MCTP1: variants seen among roughly 807,000 people sequenced by gnomAD.
MCTP1 encodes multiple C2 and transmembrane domain-containing protein 1.
MCTP1 carries 69 observed loss-of-function variants against 120.6 expected under a neutral mutation model. The ratio of observed to expected loss-of-function variants is 0.57; its 90% CI spans 0.47 to 0.70. The LOEUF (loss-of-function observed/expected upper bound fraction) is 0.70, where lower values mean the gene tolerates loss of function less well. MCTP1 is among the 30% of genes least tolerant of loss of function. The pLI is 0.00. For missense variants in MCTP1, 1,203 were observed against 1,248.8 expected (o/e 0.96, Z 0.55); for synonymous variants, 529 against 493.1 (o/e 1.07, Z -0.96).
intron 5 of MCTP1, among the ~76,000 whole-genome samples, chr5:94,939,102 A>G (rs1451707484): frequency 6.6e-6 from 1 of 152,046 alleles, no homozygotes; most frequent in Admixed American, 6.6e-5. Context: ...TTAAATTTCT[A>G]AAAAGGAGGG....
At chr5:94,915,612 C>G (rs1318154440) in intron 8 of MCTP1, among the ~76,000 whole-genome samples, 1 of 152,076 alleles carries the variant, frequency 6.6e-6, no homozygotes, top group Non-Finnish European at 1.5e-5. Flanking sequence ...TTAACAGTGC[C>G]ATGTCTAAAA....
chr5:95,029,042 C>T (rs1240083928), intron 1 of MCTP1, among the ~76,000 whole-genome samples: 1 of 151,568 alleles, frequency 6.6e-6, no homozygotes, highest in East Asian at 1.9e-4. Flanking sequence ...GCCTGTAATC[C>T]CAGGTATACG....
chr5:94,715,475 AGTC>A (rs1758856642), intron 19 of MCTP1, among the ~76,000 whole-genome samples: 1 of 151,868 alleles, frequency 6.6e-6, no homozygotes, highest in African/African-American at 2.4e-5. Flanking sequence ...TAAAAATAAT[AGTC>A]TAGTCATATA....
intron 1 of MCTP1, among the ~76,000 whole-genome samples, chr5:95,072,981 G>A (rs571088042): frequency 1.3e-5 from 2 of 152,002 alleles, no homozygotes; most frequent in South Asian, 2.1e-4. Context: ...TCCTGACCTC[G>A]TGATCCGTTC....
chr5:94,891,225 T>G (rs1274093973), intron 11 of MCTP1, among the ~76,000 whole-genome samples: 1 of 151,570 alleles, frequency 6.6e-6, no homozygotes, highest in African/African-American at 2.4e-5. Flanking sequence ...TCACCAAAAA[T>G]CTATTTAAAA....
chr5:95,212,685 C>G (rs577091207), intron 1 of MCTP1, among the ~76,000 whole-genome samples: 396 of 151,662 alleles, frequency 2.6e-3, no homozygotes, highest in Non-Finnish European at 4.2e-3. Context: ...GGGCTTCATC[C>G]CTGGGATGCA....
At chr5:95,032,740 G>A (rs919066589) in intron 1 of MCTP1, among the ~76,000 whole-genome samples, 2 of 151,984 alleles carry the variant, frequency 1.3e-5, no homozygotes, top group African/African-American at 4.8e-5. Flanking sequence ...AAAGGTTAGA[G>A]CAGAACTAAA....
intron 1 of MCTP1, among the ~76,000 whole-genome samples, chr5:95,176,965 C>T (rs1277184011): frequency 6.6e-6 from 1 of 151,450 alleles, no homozygotes; most frequent in Non-Finnish European, 1.5e-5. Context: ...CCTGGGTTCA[C>T]GCCATTCTCC....
chr5:94,904,904 C>G (rs1459273965), intron 10 of MCTP1, among the ~76,000 whole-genome samples: 1 of 152,152 alleles, frequency 6.6e-6, no homozygotes, highest in Admixed American at 6.5e-5. Flanking sequence ...AAAATCCCTG[C>G]CCTCGTGGAG....
At chr5:94,764,828 C>CAAAAAAAAAA (rs57246943) in intron 19 of MCTP1, among the ~76,000 whole-genome samples, 10 of 90,958 alleles carry the variant, frequency 1.1e-4, no homozygotes, top group East Asian at 3.1e-4. Context: ...TGACCTGGAC[C>CAAAAAAAAAA]AAAAAAAAAA....
chr5:95,178,891 G>C (rs1353064843), intron 1 of MCTP1, among the ~76,000 whole-genome samples: 1 of 152,136 alleles, frequency 6.6e-6, no homozygotes, highest in East Asian at 1.9e-4. Flanking sequence ...GGAGGCACTA[G>C]AGAAACGTGA....
At chr5:94,947,577 T>TATATATATATATATATATAGAG in intron 3 of MCTP1, among the ~76,000 whole-genome samples, 27 of 47,362 alleles carry the variant, frequency 5.7e-4, no homozygotes, top group South Asian at 7.0e-4. Context: ...TATATATATA[T>TATATATATATATATATATAGAG]AGAGAGAGAG....
intron 18 of MCTP1, among the ~76,000 whole-genome samples, chr5:94,785,992 T>C (rs1002424734): frequency 6.6e-6 from 1 of 152,170 alleles, no homozygotes; most frequent in African/African-American, 2.4e-5. Flanking sequence ...CCATATATGA[T>C]TCCATATATG....
intron 17 of MCTP1, among the ~76,000 whole-genome samples, chr5:94,831,825 A>C (rs570765236): frequency 6.6e-6 from 1 of 152,330 alleles, no homozygotes; most frequent in African/African-American, 2.4e-5. Context: ...TAGGCTCTTA[A>C]GTTTTTAAGG....
chr5:94,794,883 T>C (rs1561648834), intron 18 of MCTP1, among the ~76,000 whole-genome samples: 1 of 152,116 alleles, frequency 6.6e-6, no homozygotes, highest in East Asian at 1.9e-4. Context: ...GCTACTGGCT[T>C]TTCTGTAATT....
intron 1 of MCTP1, among the ~76,000 whole-genome samples, chr5:95,226,062 G>A (rs1011807384): frequency 3.3e-5 from 5 of 151,836 alleles, no homozygotes; most frequent in East Asian, 1.9e-4. Context: ...AAGTTCTTTC[G>A]CGGTGACTTG....
At chr5:95,061,413 T>TG (rs1749108745) in intron 1 of MCTP1, among the ~76,000 whole-genome samples, 1 of 10,492 alleles carries the variant, frequency 9.5e-5, no homozygotes, top group African/African-American at 3.9e-4. Flanking sequence ...TAAGGGTTTT[T>TG]TTTTTTTTTT....
intron 17 of MCTP1, chr5:94,826,005 C>T: frequency 3.2e-6 from 1 of 311,736 alleles, no homozygotes; most frequent in South Asian, 4.1e-5. Context: ...CCTGTTGCAT[C>T]TCCACCTTCT....
chr5:94,802,877 T>A (rs1323227881), intron 17 of MCTP1, among the ~76,000 whole-genome samples: 2 of 152,216 alleles, frequency 1.3e-5, no homozygotes, highest in Non-Finnish European at 2.9e-5. Context: ...AAAGAGGACC[T>A]GCAGATTTTA....
Sources: gnomAD v4.1 joint callset for allele counts (sites outside exome capture counted in the v4.1 genomes callset) on GRCh38, gnomAD v4.1.1 for gene constraint, MANE v1.5 for transcripts, NCBI Gene and HGNC (gene_info 2026-07-23, HGNC 2026-07-21) for gene names.